The following NAA11 variants were observed in gnomAD, a reference collection of about 807,000 sequenced individuals.
NAA11 encodes the protein N-alpha-acetyltransferase 11.
NAA11 carries 15 observed loss-of-function variants against 16.1 expected under a neutral mutation model. The ratio of observed to expected loss-of-function variants is 0.93; its 90% CI spans 0.62 to 1.44. The LOEUF is 1.44. Ranked by LOEUF, NAA11 falls within the 40% of genes most tolerant of loss-of-function variation. The pLI is 0.00. For missense variants in NAA11, 298 were observed against 291.3 expected (o/e 1.02, Z -0.17); for synonymous variants, 122 against 112.4 (o/e 1.09, Z -0.54).
chr4:79,204,527 C>CTCCCTCCT, the NAA11 span, among the ~76,000 whole-genome samples: 2 of 150,528 alleles, frequency 1.3e-5, no homozygotes, highest in Non-Finnish European at 3.0e-5. Context: ...CCCTCCCTTC[C>CTCCCTCCT]TCCCTCCTTC....
chr4:79,211,959 C>T, the NAA11 span, among the ~76,000 whole-genome samples: 1 of 152,150 alleles, frequency 6.6e-6, no homozygotes, highest in Non-Finnish European at 1.5e-5. Context: ...CTCATGAGAG[C>T]TCTTCTCATA....
the NAA11 span, among the ~76,000 whole-genome samples, chr4:79,193,583 A>G: frequency 6.6e-6 from 1 of 151,954 alleles, no homozygotes; most frequent in African/African-American, 2.4e-5. Context: ...CCATTGGTCT[A>G]TATCTCTCTT....
downstream of NAA11, among the ~76,000 whole-genome samples, chr4:79,314,452 G>A (rs919529353): frequency 6.6e-6 from 1 of 151,810 alleles, no homozygotes. Context: ...TTAAAAATAC[G>A]GGACTGATTT....
intron 2 of NAA11, among the ~76,000 whole-genome samples, chr4:79,261,739 T>C (rs895303009): frequency 6.6e-6 from 1 of 152,182 alleles, no homozygotes; most frequent in Non-Finnish European, 1.5e-5. Flanking sequence ...TCCAAGTGTG[T>C]AGAAATATCG....
intron 2 of NAA11, among the ~76,000 whole-genome samples, chr4:79,279,096 G>A (rs1245718519): frequency 6.6e-6 from 1 of 151,982 alleles, no homozygotes; most frequent in African/African-American, 2.4e-5. Flanking sequence ...TGTATTGAGG[G>A]TTAAGTTTCT....
the NAA11 span, among the ~76,000 whole-genome samples, chr4:79,159,343 A>G: frequency 2.0e-5 from 3 of 152,354 alleles, no homozygotes; most frequent in South Asian, 2.1e-4. Flanking sequence ...CATGCTCACC[A>G]TCACCAATGA....
intron 2 of NAA11, among the ~76,000 whole-genome samples, chr4:79,229,081 A>G (rs1721397040): frequency 6.6e-6 from 1 of 152,036 alleles, no homozygotes; most frequent in African/African-American, 2.4e-5. Flanking sequence ...AGTCCAATAT[A>G]GCAACATTTT....
chr4:79,281,262 A>G (rs1316244889), intron 2 of NAA11, among the ~76,000 whole-genome samples: 1 of 151,558 alleles, frequency 6.6e-6, no homozygotes, highest in Non-Finnish European at 1.5e-5. Flanking sequence ...TAGTATGGCT[A>G]TGCAGATGGA....
At chr4:79,315,925 G>A (rs968250660), downstream of NAA11, among the ~76,000 whole-genome samples, 6 of 152,138 alleles carry the variant, frequency 3.9e-5, no homozygotes, top group African/African-American at 1.2e-4. Flanking sequence ...CTCCTGGTAC[G>A]AGACTGGGAA....
At chr4:79,266,318 G>T (rs79759185) in intron 2 of NAA11, among the ~76,000 whole-genome samples, 1 of 152,118 alleles carries the variant, frequency 6.6e-6, no homozygotes, top group Non-Finnish European at 1.5e-5. Context: ...TGCTCTGCTT[G>T]GCAGGCAACC....
chr4:79,274,235 A>G (rs1182216088), intron 2 of NAA11, among the ~76,000 whole-genome samples: 2 of 152,088 alleles, frequency 1.3e-5, no homozygotes, highest in Non-Finnish European at 2.9e-5. Flanking sequence ...CCAAGTGCCA[A>G]TTGGAAATAA....
the NAA11 span, among the ~76,000 whole-genome samples, chr4:79,167,293 A>G: frequency 6.9e-6 from 1 of 144,728 alleles, no homozygotes; most frequent in South Asian, 2.2e-4. Context: ...AGAGAGAGAG[A>G]GAGAGAGACG....
At chr4:79,182,488 A>G in the NAA11 span, among the ~76,000 whole-genome samples, 1 of 152,186 alleles carries the variant, frequency 6.6e-6, no homozygotes, top group Non-Finnish European at 1.5e-5. Flanking sequence ...TTTACTGAAA[A>G]TACTCTGCAA....
intron 2 of NAA11, among the ~76,000 whole-genome samples, chr4:79,247,633 A>G (rs191216083): frequency 1.3e-3 from 191 of 152,244 alleles, no homozygotes; most frequent in African/African-American, 4.4e-3. Context: ...CACTCCAAGC[A>G]GATCTTCAGA....
chr4:79,325,800 G>T lies in NAA11; in HGVS notation c.78C>A (p.Tyr26Ter). Reference sequence around the variant, plus strand: ...CATGATATAAATAGTATTTCATCTGGTAGTTCTCAGGAAGGCAAAGGAGGT... The same window carrying T: ...CATGATATAAATAGTATTTCATCTGTTAGTTCTCAGGAAGGCAAAGGAGGT... Reference protein sequence around the residue: ...HCNLLCLPENYQMKYYLYHGL... With the variant: ...HCNLLCLPEN Residue 26 changes from tyrosine (Y) to a stop codon, truncating the protein, a stop_gained, in exon 1 of 2, where the codon TAC becomes TAA. Coordinates refer to ENST00000286794, the MANE Select transcript of NAA11 (RefSeq NM_032693.3). LOFTEE classifies it high-confidence loss of function. 6.2e-7 allele frequency: 1 copy of T among 1,614,162 alleles called. No individual in the cohort carries two copies. The highest frequency in any genetic ancestry group is 1.1e-5 in the South Asian group (1 of 91,078).
chr4:79,295,164 G>A (rs1018296799), intron 1 of NAA11, among the ~76,000 whole-genome samples: 1 of 152,184 alleles, frequency 6.6e-6, no homozygotes, highest in African/African-American at 2.4e-5. Flanking sequence ...AAAGCAAAGA[G>A]GCATGTTAGT....
chr4:79,165,475 C>T, the NAA11 span, among the ~76,000 whole-genome samples: 1 of 152,200 alleles, frequency 6.6e-6, no homozygotes, highest in Non-Finnish European at 1.5e-5. Flanking sequence ...AGAGCTCTTC[C>T]TGTTACTCTC....
the NAA11 span, among the ~76,000 whole-genome samples, chr4:79,220,250 G>A: frequency 2.6e-5 from 4 of 152,084 alleles, no homozygotes; most frequent in African/African-American, 4.8e-5. Context: ...GCGCCACTAC[G>A]CCCGGCTAAT....
At chr4:79,204,974 G>A in the NAA11 span, among the ~76,000 whole-genome samples, 22,180 of 142,282 alleles carry the variant, frequency 0.16, 2,172 homozygotes, top group Non-Finnish European at 0.23. Context: ...CATGGTGTGG[G>A]TGTGTGTATA....
Sources: allele counts gnomAD v4.1 joint callset (sites outside exome capture counted in the v4.1 genomes callset), GRCh38; gene constraint gnomAD v4.1.1; transcripts MANE v1.5; gene names NCBI Gene and HGNC (gene_info 2026-07-23, HGNC 2026-07-21).